The following FBXO33 variants were observed in gnomAD, a reference collection of about 807,000 sequenced individuals.
FBXO33 encodes F-box protein 33, also known as F-box only protein 33.
Under a neutral mutation model 46.3 loss-of-function variants are expected in FBXO33, and 22 were observed. The ratio of observed to expected loss-of-function variants is 0.48; its 90% CI spans 0.34 to 0.68. The LOEUF (loss-of-function observed/expected upper bound fraction) is 0.68. FBXO33 is among the 30% of genes least tolerant of loss of function. FBXO33 has a pLI of 0.01. For missense variants in FBXO33, 692 were observed against 708.8 expected (o/e 0.98, Z 0.27); for synonymous variants, 337 against 291.3 (o/e 1.16, Z -1.60).
intron 3 of FBXO33, 83 bp downstream of exon 3, chr14:39,401,093 A>T (rs2075366503): frequency 3.2e-6 from 4 of 1,244,088 alleles, no homozygotes; most frequent in Non-Finnish European, 3.4e-6. Context: ...TTGATACTAT[A>T]AAGGTCAGTG....
At chr14:39,402,705 C>T (rs1402534054) in intron 1 of FBXO33, among the ~76,000 whole-genome samples, 194 bp from the exon 2 acceptor site, 3 of 112,640 alleles carry the variant, frequency 2.7e-5, no homozygotes, top group South Asian at 2.8e-4. Context: ...TTTTTTGAGA[C>T]GGAGTCTTGC....
Position 39,431,709 on chromosome 14 carries a change from C to G in FBXO33, c.454G>C (p.Gly152Arg), listed in dbSNP as rs77726617. ...GCGCCACCTCCGTCCCCTGGGCCAC[C>G]GCCGCTCAGATAGTTCTCGGCGGCG... Reference protein sequence around the residue: ...EFAAENYLSGGGPGDGGGADT... With the variant: ...EFAAENYLSGRGPGDGGGADT... The change falls in exon 1 of 4, where the codon GGT becomes CGT. Residue 152 changes from glycine (G) to arginine (R), a missense_variant. Transcript: ENST00000298097. 1 of 1,613,312 alleles carries G rather than the reference C, an allele frequency of 6.2e-7. No individual in the cohort carries two copies. Among genetic ancestry groups the G allele is most frequent in the Non-Finnish European group, 8.5e-7 (1 of 1,180,012 alleles).
At chr14:39,418,312 C>T (rs1010996994) in intron 1 of FBXO33, among the ~76,000 whole-genome samples, 1 of 151,362 alleles carries the variant, frequency 6.6e-6, no homozygotes, top group African/African-American at 2.4e-5. Flanking sequence ...ATCCGCCTGC[C>T]TCAGCCTCCC....
chr14:39,407,025 A>G (rs1246595196), intron 1 of FBXO33, among the ~76,000 whole-genome samples: 1 of 152,228 alleles, frequency 6.6e-6, no homozygotes, highest in Non-Finnish European at 1.5e-5. Flanking sequence ...AGGAATCTAA[A>G]AAAAGCTACT....
At chr14:39,404,512 G>C (rs951526969) in intron 1 of FBXO33, among the ~76,000 whole-genome samples, 1 of 152,034 alleles carries the variant, frequency 6.6e-6, no homozygotes, top group Non-Finnish European at 1.5e-5. Context: ...ATTTTTAGTA[G>C]AGATGGGGTT....
intron 1 of FBXO33, among the ~76,000 whole-genome samples, chr14:39,428,712 T>C (rs1301883415): frequency 2.0e-5 from 3 of 152,100 alleles, no homozygotes; most frequent in African/African-American, 7.2e-5. Flanking sequence ...TCCTAAGGAG[T>C]CTGAAATACA....
At chr14:39,420,734 A>C (rs2075479119) in intron 1 of FBXO33, among the ~76,000 whole-genome samples, 1 of 152,156 alleles carries the variant, frequency 6.6e-6, no homozygotes, top group African/African-American at 2.4e-5. Flanking sequence ...AAATCTTCAA[A>C]AATCTTCAAA....
At chr14:39,421,395 T>C (rs961313490) in intron 1 of FBXO33, among the ~76,000 whole-genome samples, 1 of 151,950 alleles carries the variant, frequency 6.6e-6, no homozygotes, top group Non-Finnish European at 1.5e-5. Context: ...ATTAGACCAC[T>C]GATTTGGATG....
intron 1 of FBXO33, among the ~76,000 whole-genome samples, chr14:39,415,848 G>A (rs1226905911): frequency 6.6e-6 from 1 of 152,102 alleles, no homozygotes; most frequent in African/African-American, 2.4e-5. Context: ...TGTATTTTTA[G>A]TAGAGACAAG....
At chr14:39,405,546 A>C (rs1422523290) in intron 1 of FBXO33, among the ~76,000 whole-genome samples, 2 of 152,136 alleles carry the variant, frequency 1.3e-5, no homozygotes, top group Non-Finnish European at 2.9e-5. Flanking sequence ...ACTATTTTGC[A>C]CATGTTGAAC....
At position 39,427,392 on chromosome 14, in the gene FBXO33, T is replaced by C. The variant is rs568897722; in HGVS notation, c.599+4172A>G. On this transcript the variant is annotated intron_variant, in intron 1 of 3. Transcript: ENST00000298097. ...ATGCAGTGTCACAGGAAACTAATTC[T>C]TGAACAGGGCAGATTGGTCACAGGC... 1.6e-4 allele frequency among the ~76,000 whole-genome samples: 24 copies of C among 152,326 alleles called. No individual in the cohort carries two copies. The South Asian group carries it at 4.6e-3, about 29-fold the overall frequency.
chr14:39,415,111 A>G (rs2139411651), intron 1 of FBXO33, among the ~76,000 whole-genome samples: 1 of 152,296 alleles, frequency 6.6e-6, no homozygotes, highest in African/African-American at 2.4e-5. Flanking sequence ...TAGTAACATC[A>G]AAGATTACTG....
At position 39,398,078 on chromosome 14, in the gene FBXO33, T is replaced by C. The variant is rs2075351312; in HGVS notation, c.*1438A>G. 6.6e-6 allele frequency: 1 copy of C among 152,670 alleles called. No homozygotes were observed. The highest frequency in any genetic ancestry group is 2.1e-4 in the South Asian group (1 of 4,834). 9.5% of individuals were successfully genotyped at this position (152,670 alleles called of 1,614,324 possible). The stretch of plus-strand genomic sequence containing the variant: ...ACACATATAAACTTTTTTCCATAAA[T>C]AGAATCATATCTGGACATCTGTTGC... On this transcript the variant is annotated 3_prime_UTR_variant, in exon 4 of 4. Transcript: ENST00000298097.
At chr14:39,416,840 T>A (rs940383830) in intron 1 of FBXO33, among the ~76,000 whole-genome samples, 1 of 152,198 alleles carries the variant, frequency 6.6e-6, no homozygotes, top group Non-Finnish European at 1.5e-5. Flanking sequence ...CACTTTTTTT[T>A]AAATTGGTTA....
chr14:39,430,904 C>A (rs748195042), intron 1 of FBXO33, among the ~76,000 whole-genome samples: 1 of 152,096 alleles, frequency 6.6e-6, no homozygotes, highest in Non-Finnish European at 1.5e-5. Context: ...CCTCGCTGCC[C>A]GCCCGCCTCC....
Position 39,399,564 on chromosome 14 carries a change from T to G in FBXO33, c.1620A>C (p.Pro540=). 6.2e-7 allele frequency: 1 copy of G among 1,612,990 alleles called. No homozygotes were observed. The highest frequency in any genetic ancestry group is 8.5e-7 in the Non-Finnish European group (1 of 1,179,422). ...DIESLSVFTE[P]NRHFYREMQS... ...GCATCTCTCTGTAAAAATGACGATT[T>G]GGTTCAGTGAAGACACTGAGTGATT... Residue 540 remains proline, a synonymous_variant, in exon 4 of 4, where the codon CCA becomes CCC. Coordinates refer to ENST00000298097, the MANE Select transcript of FBXO33 (RefSeq NM_203301.4).
At position 39,401,188 on chromosome 14, in the gene FBXO33, G is replaced by C; in HGVS notation, c.1384C>G (p.Leu462Val). ...LAWRCTKLSLLAIHGYTVWAH... is the reference protein window; with the variant it reads ...LAWRCTKLSLVAIHGYTVWAH... ...CAAGATCACCTACCATGAATTGCCA[G>C]AAGAGAGAGCTTTGTGCACCTCCAT... Residue 462 changes from leucine to valine, a missense_variant, in exon 3 of 4, where the codon CTG becomes GTG. Around this residue, in one of 3 missense-constraint regions of FBXO33, gnomAD observed 186 missense variants for 246.1 expected, o/e 0.76. Coordinates refer to ENST00000298097, the MANE Select transcript of FBXO33 (RefSeq NM_203301.4). 1.3e-6 allele frequency: 2 copies of C among 1,583,912 alleles called. No homozygotes were observed. The highest frequency in any genetic ancestry group is 8.6e-7 in the Non-Finnish European group (1 of 1,168,134).
intron 2 of FBXO33, 68 bp downstream of exon 2, chr14:39,402,333 C>G: frequency 1.2e-6 from 1 of 863,112 alleles, no homozygotes; most frequent in South Asian, 2.5e-5. Context: ...CTGTTTGTAT[C>G]TCATAATTTC....
At chr14:39,404,021 G>A (rs982720068) in intron 1 of FBXO33, among the ~76,000 whole-genome samples, 2 of 152,098 alleles carry the variant, frequency 1.3e-5, no homozygotes, top group Non-Finnish European at 1.5e-5. Flanking sequence ...TTACAAGTAT[G>A]AGCCACCATG....
Sources: allele counts gnomAD v4.1 joint callset (sites outside exome capture counted in the v4.1 genomes callset), GRCh38; gene constraint gnomAD v4.1.1; regional missense constraint gnomAD v4.1.1; transcripts MANE v1.5; gene names NCBI Gene and HGNC (gene_info 2026-07-23, HGNC 2026-07-21).